The following PPP2R5C variants were observed in gnomAD, a reference collection of about 807,000 sequenced individuals.
PPP2R5C encodes protein phosphatase 2 regulatory subunit B'gamma, also known as serine/threonine-protein phosphatase 2A 56 kDa regulatory subunit gamma isoform.
Under a neutral mutation model 68.9 loss-of-function variants are expected in PPP2R5C, and 7 were observed. The ratio of observed to expected loss-of-function variants is 0.10; its 90% CI spans 0.06 to 0.19. The LOEUF (loss-of-function observed/expected upper bound fraction) is 0.19, where lower values mean the gene tolerates loss of function less well. Ranked by LOEUF, PPP2R5C falls within the 10% of genes least tolerant of loss-of-function variation. PPP2R5C has a pLI of 1.00. For missense variants in PPP2R5C, 348 were observed against 641.3 expected (o/e 0.54, Z 4.94); for synonymous variants, 210 against 222.2 (o/e 0.95, Z 0.49).
chr14:101,833,344 CT>C (rs1212250763), intron 1 of PPP2R5C: 2 of 152,326 alleles, frequency 1.3e-5, no homozygotes, highest in African/African-American at 4.8e-5. Flanking sequence ...GGAGTCTTGC[CT>C]GATATGTCTT....
At chr14:101,907,564 G>A (rs1251270628) in intron 10 of PPP2R5C, among the ~76,000 whole-genome samples, 1 of 152,036 alleles carries the variant, frequency 6.6e-6, no homozygotes, top group East Asian at 1.9e-4. Context: ...TCTTTCCATT[G>A]TATATTGTAA....
chr14:101,868,376 A>C (rs2043203429), intron 2 of PPP2R5C, among the ~76,000 whole-genome samples: 1 of 152,228 alleles, frequency 6.6e-6, no homozygotes, highest in Non-Finnish European at 1.5e-5. Context: ...TGTGATAACA[A>C]ATGAAACAAA....
chr14:101,825,694 TG>T lies in PPP2R5C; in HGVS notation c.94+15659del, dbSNP rs2040359113. ...TTTGTTGTATTTCAGATATTCTCAC[TG>T]TGTAGTTAGCCTGTTCAGTTTTTGT... On this transcript the variant is annotated intron_variant, in intron 1 of 13. Coordinates refer to ENST00000334743, the Ensembl canonical transcript of PPP2R5C. The surrounding 1 kb of genome is among the most constrained non-coding windows in gnomAD (Gnocchi z 4.0). Among the ~76,000 whole-genome samples the T allele has an allele frequency of 6.6e-6, 1 of 152,236 alleles. No homozygotes were observed. Among genetic ancestry groups the T allele is most frequent in the African/African-American group, 2.4e-5 (1 of 41,460 alleles).
In PPP2R5C at chr14:101,917,939, G is replaced by T; in HGVS notation, c.1435G>T (p.Ala479Ser). The T allele has an allele frequency of 6.2e-7, 1 of 1,613,854 alleles. No individual in the cohort carries two copies. Among genetic ancestry groups the T allele is most frequent in the Non-Finnish European group, 8.5e-7 (1 of 1,179,850 alleles). Residue 479 changes from alanine to serine, a missense_variant, in exon 13 of 14, where the codon GCT becomes TCT. Transcript: ENST00000334743. This position sits in a 1 kb window ranked among gnomAD's most constrained non-coding sequence, Gnocchi z 4.4. ...GCTGAGAAAGACAGTGAAGGACGAGGCTCATCAGGTAAAAGTGCACCGAGC... is the reference window on the plus strand; with the variant it reads ...GCTGAGAAAGACAGTGAAGGACGAGTCTCATCAGGTAAAAGTGCACCGAGC...
Position 101,797,022 on chromosome 14 carries a change from T to C in PPP2R5C, c.259+10839T>C. The C allele has an allele frequency of 2.5e-6, 1 of 400,654 alleles. No homozygotes were observed. Among genetic ancestry groups the C allele is most frequent in the Non-Finnish European group, 5.1e-6 (1 of 197,784 alleles). 24.8% of individuals were successfully genotyped at this position (400,654 alleles called of 1,614,324 possible). A position where few individuals can be genotyped will look rare whatever the true frequency, so the allele number is the denominator to read the frequency against. The stretch of plus-strand genomic sequence containing the variant: ...ATACATTCAAAATGCTGTACACCCA[T>C]CACTACTATCTCTACCCAAAACTTT... On this transcript the variant is annotated intron_variant, in intron 3 of 14. Coordinates refer to the PPP2R5C transcript ENST00000328724. The surrounding 1 kb of genome is among the most constrained non-coding windows in gnomAD (Gnocchi z 4.2).
At chr14:101,761,384 G>A (rs906177521), upstream of PPP2R5C, among the ~76,000 whole-genome samples, 9 of 151,890 alleles carry the variant, frequency 5.9e-5, no homozygotes, top group Non-Finnish European at 1.2e-4. Flanking sequence ...CCCCTGAGTC[G>A]GCTCAGCTCT....
chr14:101,761,687 T>C (rs1403596811), upstream of PPP2R5C: 142 of 224,434 alleles, frequency 6.3e-4, 1 homozygote, highest in Admixed American at 1.4e-3. Context: ...ACGCCGCCGC[T>C]GCCGCCGCCG....
In PPP2R5C at chr14:101,792,588, G is replaced by A. The variant is rs1165695499; in HGVS notation, c.259+6405G>A. 8.5e-5 allele frequency among the ~76,000 whole-genome samples: 13 copies of A among 152,206 alleles called. No individual in the cohort carries two copies. The East Asian group carries it at 2.1e-3, about 25-fold the overall frequency. On this transcript the variant is annotated intron_variant, in intron 3 of 14. Transcript: ENST00000328724. ...TTTATTACCAGTTCCCTCTAATGGTGACAGCTGAAGCTTTTTTCTAGCTTT... is the reference window on the plus strand; with the variant it reads ...TTTATTACCAGTTCCCTCTAATGGTAACAGCTGAAGCTTTTTTCTAGCTTT...
intron 3 of PPP2R5C, chr14:101,796,977 G>A (rs868741705): frequency 8.5e-6 from 3 of 351,424 alleles, no homozygotes; most frequent in African/African-American, 2.1e-5. Flanking sequence ...ATTCATAAGT[G>A]TACAACTCGG....
chr14:101,851,157 A>G (rs1056201115), intron 1 of PPP2R5C, among the ~76,000 whole-genome samples: 14 of 152,278 alleles, frequency 9.2e-5, no homozygotes, highest in African/African-American at 3.4e-4. Context: ...TGGGGCTGGC[A>G]TGGTGGCTCA....
At chr14:101,815,825 A>G (rs573029734) in intron 1 of PPP2R5C, among the ~76,000 whole-genome samples, 25 of 152,236 alleles carry the variant, frequency 1.6e-4, no homozygotes, top group African/African-American at 6.0e-4. Flanking sequence ...GCATGCCACC[A>G]CGCCCGGCTA....
At position 101,781,300 on chromosome 14, in the gene PPP2R5C, C is replaced by T. The variant is rs558787826; in HGVS notation, c.94-4718C>T. 6.6e-6 allele frequency among the ~76,000 whole-genome samples: 1 copy of T among 152,196 alleles called. No homozygotes were observed. Among genetic ancestry groups the T allele is most frequent in the Admixed American group, 6.5e-5 (1 of 15,288 alleles). On this transcript the variant is annotated intron_variant, in intron 2 of 14. Transcript: ENST00000328724. The surrounding 1 kb of genome is among the most constrained non-coding windows in gnomAD (Gnocchi z 6.4). ...GGACCCTGGCTTCTGTCCTCAGGGA[C>T]CCCTTCAGACCTTCCCCACCCTCCG...
At chr14:101,912,560 G>A (rs2046457110) in intron 12 of PPP2R5C, 87 bp downstream of exon 14, 4 of 1,409,814 alleles carry the variant, frequency 2.8e-6, no homozygotes, top group Admixed American at 5.8e-5. Context: ...CCATGGGGGG[G>A]GTCTCGATTT....
intron 1 of PPP2R5C, among the ~76,000 whole-genome samples, chr14:101,813,581 C>T (rs533052210): frequency 1.1e-3 from 161 of 152,340 alleles, no homozygotes; most frequent in Non-Finnish European, 2.0e-3. Context: ...CACCCTGCAG[C>T]GCATGCTCAC....
chr14:101,858,837 C>T (rs1343237092), intron 2 of PPP2R5C, among the ~76,000 whole-genome samples: 1 of 152,118 alleles, frequency 6.6e-6, no homozygotes, highest in Non-Finnish European at 1.5e-5. Flanking sequence ...GTCAAATGCC[C>T]GCCCTTGAAC....
Sources: allele counts gnomAD v4.1 joint callset (sites outside exome capture counted in the v4.1 genomes callset), GRCh38; gene constraint gnomAD v4.1.1; non-coding constraint Gnocchi (gnomAD v3.1); transcripts MANE v1.5; gene names NCBI Gene and HGNC (gene_info 2026-07-23, HGNC 2026-07-21).